ZCCHC14: variants seen among roughly 807,000 people sequenced by gnomAD.
The protein encoded by ZCCHC14 is zinc finger CCHC domain-containing protein 14.
ZCCHC14 carries 16 observed loss-of-function variants against 85.0 expected under a neutral mutation model. That is an observed-to-expected ratio of 0.19 (90% CI 0.13 to 0.29). ZCCHC14 has a LOEUF of 0.29. ZCCHC14 is among the 10% of genes least tolerant of loss of function. ZCCHC14 has a pLI of 1.00. For synonymous variants in ZCCHC14, 775 were observed against 630.7 expected, an observed-to-expected ratio of 1.23 and a Z score of -3.43; for missense variants, 1,303 against 1,443.5, an observed-to-expected ratio of 0.90 and a Z score of 1.58.
chr16:87,434,421 G>C (rs1354910194), intron 2 of ZCCHC14, among the ~76,000 whole-genome samples: 1 of 152,270 alleles, frequency 6.6e-6, no homozygotes, highest in Non-Finnish European at 1.5e-5. Flanking sequence ...AACTGGGAAA[G>C]AGGCTACGGG....
intron 3 of ZCCHC14, among the ~76,000 whole-genome samples, chr16:87,425,719 C>A (rs1305765263): frequency 2.0e-5 from 3 of 152,348 alleles, no homozygotes; most frequent in East Asian, 3.9e-4. Flanking sequence ...TCCAAGAACA[C>A]CACCACCAAC....
At chr16:87,476,689 T>C (rs183055616) in intron 1 of ZCCHC14, among the ~76,000 whole-genome samples, 190 of 129,306 alleles carry the variant, frequency 1.5e-3, no homozygotes, top group African/African-American at 5.6e-3. Context: ...TAATCAATGG[T>C]GGAAAAGAAA....
chr16:87,451,666 G>C (rs535698797), intron 2 of ZCCHC14, among the ~76,000 whole-genome samples: 12 of 152,238 alleles, frequency 7.9e-5, no homozygotes, highest in Non-Finnish European at 1.6e-4. Flanking sequence ...GTGATGCTGT[G>C]CTAGGCTTCA....
chr16:87,477,611 ATTAT>A (rs1447669309), intron 1 of ZCCHC14, among the ~76,000 whole-genome samples: 1 of 152,220 alleles, frequency 6.6e-6, no homozygotes, highest in Admixed American at 6.5e-5. Flanking sequence ...TCTTTGTCAA[ATTAT>A]TTATACTTAA....
At chr16:87,477,099 T>G (rs1403412616) in intron 1 of ZCCHC14, among the ~76,000 whole-genome samples, 1 of 112,038 alleles carries the variant, frequency 8.9e-6, no homozygotes, top group Non-Finnish European at 1.6e-5. Flanking sequence ...TACTCTAGCC[T>G]GACAGAGAGA....
At position 87,407,729 on chromosome 16, in the gene ZCCHC14, G is replaced by C. The variant is rs898998266; in HGVS notation, c.*2551C>G. 5 of 152,248 alleles carry C rather than the reference G, an allele frequency of 3.3e-5. No individual in the cohort carries two copies. The highest frequency in any genetic ancestry group is 5.9e-5 in the Non-Finnish European group (4 of 68,046). 9.4% of individuals were successfully genotyped at this position (152,248 alleles called of 1,614,324 possible). ...ACCACACTTTCAGGAAAATGACTAA[G>C]TACTTGAAAGGGTCAGTATGTTCTG... On this transcript the variant is annotated 3_prime_UTR_variant, in exon 13 of 13. Transcript: ENST00000671377.
At chr16:87,428,407 A>G (rs1909481828) in intron 3 of ZCCHC14, among the ~76,000 whole-genome samples, 1 of 152,238 alleles carries the variant, frequency 6.6e-6, no homozygotes, top group South Asian at 2.1e-4. Context: ...AGGCATTCCT[A>G]CGAATGCTGG....
At chr16:87,417,972 A>ATACAGGCGGC (rs1908883669) in intron 7 of ZCCHC14, 1 of 546,320 alleles carries the variant, frequency 1.8e-6, no homozygotes, top group Admixed American at 3.2e-5. Flanking sequence ...ACACGTGTGC[A>ATACAGGCGGC]TACAGGCGGC....
chr16:87,411,490 T>C, intron 12 of ZCCHC14, 26 bp downstream of exon 12: 1 of 1,610,836 alleles, frequency 6.2e-7, no homozygotes, highest in East Asian at 2.2e-5. Context: ...GGGAGCCTGG[T>C]GGGCGCGGCC....
chr16:87,419,835 A>G lies in ZCCHC14; in HGVS notation c.993T>C (p.His331=), dbSNP rs773564900. 4.3e-6 allele frequency: 7 copies of G among 1,613,076 alleles called. No individual in the cohort carries two copies. The highest frequency in any genetic ancestry group is 5.9e-6 in the Non-Finnish European group (7 of 1,179,572). Residue 331 remains histidine, a synonymous_variant, in exon 6 of 13, where the codon CAT becomes CAC. Transcript: ENST00000671377. The stretch of plus-strand genomic sequence containing the variant: ...AGGAAGTGCTGAGAAACCTCCTGAC[A>G]TGGTCATTTTTCAACACGTGAGAAG... ...SLPSHVLKND[H]VRRFLSTSSP...
At chr16:87,479,943 C>CT (rs566423964) in intron 1 of ZCCHC14, among the ~76,000 whole-genome samples, 98 of 146,400 alleles carry the variant, frequency 6.7e-4, no homozygotes, top group Middle Eastern at 3.5e-3. Context: ...TCTTCTTTTT[C>CT]TTTTTTTTTT....
At chr16:87,434,646 G>A (rs1416930701) in intron 2 of ZCCHC14, among the ~76,000 whole-genome samples, 1 of 152,224 alleles carries the variant, frequency 6.6e-6, no homozygotes, top group Non-Finnish European at 1.5e-5. Flanking sequence ...CTCCACGGGC[G>A]CCAGTGCTCA....
chr16:87,450,285 C>G (rs1910634030), intron 2 of ZCCHC14, among the ~76,000 whole-genome samples: 1 of 152,200 alleles, frequency 6.6e-6, no homozygotes, highest in African/African-American at 2.4e-5. Context: ...AACTGACTTT[C>G]TCACTTTCAT....
chr16:87,421,868 C>G (rs1051349963), intron 4 of ZCCHC14, among the ~76,000 whole-genome samples: 1 of 152,042 alleles, frequency 6.6e-6, no homozygotes, highest in African/African-American at 2.4e-5. Context: ...AAATCTCGCT[C>G]TCCTCCGGCT....
chr16:87,448,632 G>A (rs966416131), intron 2 of ZCCHC14, among the ~76,000 whole-genome samples: 1 of 152,122 alleles, frequency 6.6e-6, no homozygotes, highest in South Asian at 2.1e-4. Flanking sequence ...GTTTTGCTCT[G>A]GTGGTCACTT....
Position 87,407,629 on chromosome 16 carries a change from A to C in ZCCHC14, c.*2651T>G, listed in dbSNP as rs138371721. 2 of 152,250 alleles carry C rather than the reference A, an allele frequency of 1.3e-5. No individual in the cohort carries two copies. Among genetic ancestry groups the C allele is most frequent in the African/African-American group, 2.4e-5 (1 of 41,454 alleles). 9.4% of individuals were successfully genotyped at this position (152,250 alleles called of 1,614,324 possible). ...ACAGGGTTAGAAACTTTAATATCTG[A>C]CAGACTACAAAGGGCAAAGACGTGG... On this transcript the variant is annotated 3_prime_UTR_variant, in exon 13 of 13. Transcript: ENST00000671377.
Position 87,411,641 on chromosome 16 carries a change from C to A in ZCCHC14, c.3080G>T (p.Gly1027Val). Residue 1027 changes from glycine (G) to valine (V), a missense_variant, in exon 12 of 13, where the codon GGA becomes GTA. Gly to Val is a moderately radical substitution (Grantham distance 109, BLOSUM62 -3). Coordinates refer to ENST00000671377, the MANE Select transcript of ZCCHC14 (RefSeq NM_015144.3). The part of the protein sequence containing the change: ...AGTAGVYQTQ[G>V]LVGSSNGSSH... The stretch of plus-strand genomic sequence containing the variant: ...GGAACCATTGCTACTGCCCACCAGT[C>A]CTTGGGTCTGGTACACCCCTGCTGT... The A allele has an allele frequency of 1.2e-6, 2 of 1,613,964 alleles. No homozygotes were observed. Among genetic ancestry groups the A allele is most frequent in the South Asian group, 1.1e-5 (1 of 91,084 alleles).
At position 87,409,634 on chromosome 16, in the gene ZCCHC14, CTAAAACCTCT is replaced by C. The variant is rs1908346359; in HGVS notation, c.*636_*645del. 6.6e-6 allele frequency: 1 copy of C among 152,594 alleles called. No individual in the cohort carries two copies. Among genetic ancestry groups the C allele is most frequent in the Non-Finnish European group, 1.5e-5 (1 of 68,032 alleles). 9.5% of individuals were successfully genotyped at this position (152,594 alleles called of 1,614,324 possible). ...AGTGCTTGGAGGAGGGAAGGAAATA[CTAAAACCTCT>C]GTTGCGTCCTAAGTCGAGTAGCCTC... is the stretch of plus-strand genomic sequence containing the variant. On this transcript the variant is annotated 3_prime_UTR_variant, in exon 13 of 13. Coordinates refer to ENST00000671377, the MANE Select transcript of ZCCHC14 (RefSeq NM_015144.3).
At chr16:87,455,691 G>T (rs1187829407) in intron 2 of ZCCHC14, among the ~76,000 whole-genome samples, 1 of 152,218 alleles carries the variant, frequency 6.6e-6, no homozygotes, top group African/African-American at 2.4e-5. Flanking sequence ...AGTAAGTACA[G>T]ATGGTCCCTG....
Sources: gnomAD v4.1 joint callset for allele counts (sites outside exome capture counted in the v4.1 genomes callset) on GRCh38, gnomAD v4.1.1 for gene constraint, MANE v1.5 for transcripts, NCBI Gene and HGNC (gene_info 2026-07-23, HGNC 2026-07-21) for gene names.